The following BANK1 variants were observed in gnomAD, a reference collection of about 807,000 sequenced individuals.
The protein encoded by BANK1 is B-cell scaffold protein with ankyrin repeats.
BANK1 carries 95 observed loss-of-function variants against 94.5 expected under a neutral mutation model. The ratio of observed to expected loss-of-function variants is 1.00; its 90% CI spans 0.85 to 1.19. BANK1 has a LOEUF of 1.19. BANK1 is among the 50% of genes most tolerant of loss of function. BANK1 has a pLI of 0.00. For synonymous variants in BANK1, 334 were observed against 308.4 expected (o/e 1.08, Z -0.87); for missense variants, 987 against 932.2 (o/e 1.06, Z -0.77).
At chr4:102,019,190 A>G (rs1359246523) in intron 7 of BANK1, among the ~76,000 whole-genome samples, 1 of 152,172 alleles carries the variant, frequency 6.6e-6, no homozygotes, top group African/African-American at 2.4e-5. Context: ...CTCTTCCAAT[A>G]AAAATGTGAT....
At chr4:102,046,503 A>G (rs1171819552) in intron 11 of BANK1, among the ~76,000 whole-genome samples, 1 of 152,128 alleles carries the variant, frequency 6.6e-6, no homozygotes, top group Non-Finnish European at 1.5e-5. Flanking sequence ...CTGTGTTTTC[A>G]TAGACCTATA....
chr4:101,999,291 T>G (rs1480679402), intron 7 of BANK1, among the ~76,000 whole-genome samples: 1 of 152,232 alleles, frequency 6.6e-6, no homozygotes, highest in African/African-American at 2.4e-5. Flanking sequence ...TTCTAGAAGC[T>G]GCCTCTACAC....
intron 1 of BANK1, among the ~76,000 whole-genome samples, chr4:101,807,973 T>A (rs1282100163): frequency 6.6e-6 from 1 of 151,534 alleles, no homozygotes; most frequent in Non-Finnish European, 1.5e-5. Flanking sequence ...TAGTCCCAGC[T>A]ACTCGGGAGA....
At chr4:102,018,559 T>C (rs1726789310) in intron 7 of BANK1, among the ~76,000 whole-genome samples, 1 of 152,238 alleles carries the variant, frequency 6.6e-6, no homozygotes, top group Non-Finnish European at 1.5e-5. Context: ...AACAAGATAT[T>C]CTCTTTTTAA....
intron 7 of BANK1, among the ~76,000 whole-genome samples, chr4:101,948,034 AT>A (rs1723995733): frequency 6.6e-6 from 1 of 152,108 alleles, no homozygotes; most frequent in South Asian, 2.1e-4. Flanking sequence ...AATCACAACT[AT>A]TGTAATTCTA....
rs550387804 is a variant in BANK1 at position 101,818,446 on chromosome 4, G to A, written c.71-11362G>A. On this transcript the variant is annotated intron_variant, in intron 1 of 16. Coordinates refer to ENST00000322953, the MANE Select transcript of BANK1 (RefSeq NM_017935.5). ...TTGTACTGGCAAACTAGAGAGTAAA[G>A]CAGAGTTGTGAAGAAATAACCACCA... Among the ~76,000 whole-genome samples the A allele has an allele frequency of 9.9e-5, 15 of 152,180 alleles. No individual in the cohort carries two copies. The East Asian group carries it at 2.9e-3, about 29-fold the overall frequency.
intron 7 of BANK1, among the ~76,000 whole-genome samples, chr4:102,007,144 T>TATATATATATATATATA (rs1553940695): frequency 3.6e-5 from 3 of 83,922 alleles, no homozygotes; most frequent in Non-Finnish European, 7.2e-5. Flanking sequence ...AAAAAATATA[T>TATATATATATATATATA]TTTATATATA....
At chr4:101,824,399 T>G (rs895241954) in intron 1 of BANK1, among the ~76,000 whole-genome samples, 11 of 152,310 alleles carry the variant, frequency 7.2e-5, no homozygotes, top group African/African-American at 2.6e-4. Context: ...CAGGAAACAC[T>G]TCATATATGA....
chr4:101,960,706 C>T (rs1051732509), intron 7 of BANK1, among the ~76,000 whole-genome samples: 4 of 152,098 alleles, frequency 2.6e-5, no homozygotes, highest in South Asian at 2.1e-4. Flanking sequence ...TTTGCTCAGA[C>T]GTACCAAAAC....
chr4:101,951,242 C>T (rs1187217752), intron 7 of BANK1, among the ~76,000 whole-genome samples: 1 of 152,048 alleles, frequency 6.6e-6, no homozygotes, highest in Non-Finnish European at 1.5e-5. Context: ...TTCTGTGAAT[C>T]TTAAATTAGT....
At chr4:101,924,440 C>T (rs1316177578) in intron 7 of BANK1, among the ~76,000 whole-genome samples, 2 of 151,900 alleles carry the variant, frequency 1.3e-5, no homozygotes, top group African/African-American at 2.4e-5. Context: ...AGTGTCTGTA[C>T]ACTCTCTTTC....
At chr4:101,833,313 T>A (rs536106476) in intron 2 of BANK1, among the ~76,000 whole-genome samples, 2 of 152,030 alleles carry the variant, frequency 1.3e-5, no homozygotes, top group East Asian at 1.9e-4. Context: ...GAAAAGTGAG[T>A]TTTTTTTGGT....
intron 2 of BANK1, among the ~76,000 whole-genome samples, chr4:101,845,635 AGC>A (rs1727215361): frequency 1.3e-5 from 2 of 152,236 alleles, no homozygotes; most frequent in Admixed American, 1.3e-4. Flanking sequence ...GACAACATAT[AGC>A]TGCCTCTGGG....
intron 1 of BANK1, 61 bp downstream of exon 1, chr4:101,791,011 G>C: frequency 7.5e-7 from 1 of 1,331,360 alleles, no homozygotes; most frequent in Non-Finnish European, 9.9e-7. Flanking sequence ...GCTCTGCGGA[G>C]ACCACGGGCC....
chr4:102,065,848 A>G (rs1345699195), intron 13 of BANK1, among the ~76,000 whole-genome samples: 3 of 152,152 alleles, frequency 2.0e-5, no homozygotes, highest in African/African-American at 7.2e-5. Flanking sequence ...ATTAAGACAG[A>G]CCAATAGAAA....
chr4:101,932,182 C>T (rs938577419), intron 7 of BANK1, among the ~76,000 whole-genome samples: 10 of 151,556 alleles, frequency 6.6e-5, no homozygotes, highest in Middle Eastern at 3.4e-3. Flanking sequence ...TCCAAAACAT[C>T]GGTGGATCCT....
At chr4:102,045,905 C>G (rs1180436596) in intron 11 of BANK1, among the ~76,000 whole-genome samples, 6 of 151,636 alleles carry the variant, frequency 4.0e-5, no homozygotes, top group Non-Finnish European at 5.9e-5. Flanking sequence ...CCCCATCAAG[C>G]TACCAATGAC....
At chr4:101,866,025 G>T (rs1728056149) in intron 4 of BANK1, among the ~76,000 whole-genome samples, 1 of 151,928 alleles carries the variant, frequency 6.6e-6, no homozygotes, top group African/African-American at 2.4e-5. Context: ...ACCAAACATT[G>T]CAAGGCATTC....
chr4:101,853,377 A>T (rs945467366), intron 2 of BANK1, among the ~76,000 whole-genome samples: 1 of 152,200 alleles, frequency 6.6e-6, no homozygotes, highest in Non-Finnish European at 1.5e-5. Flanking sequence ...TGAGACCAAT[A>T]TTCTAACTAC....
Sources: gnomAD v4.1 joint callset for allele counts (sites outside exome capture counted in the v4.1 genomes callset) on GRCh38, gnomAD v4.1.1 for gene constraint, MANE v1.5 for transcripts, NCBI Gene and HGNC (gene_info 2026-07-23, HGNC 2026-07-21) for gene names.